The following CRYZ variants were observed in gnomAD, a reference collection of about 807,000 sequenced individuals.
CRYZ encodes the protein crystallin zeta.
CRYZ carries 35 observed loss-of-function variants against 34.1 expected under a neutral mutation model. The ratio of observed to expected loss-of-function variants is 1.03; its 90% CI spans 0.78 to 1.36. The LOEUF is 1.36. CRYZ is among the 40% of genes most tolerant of loss of function. The pLI, the probability that CRYZ is intolerant of heterozygous loss-of-function variation, is 0.00. For missense variants in CRYZ, 403 were observed against 391.8 expected, an observed-to-expected ratio of 1.03 and a Z score of -0.24; for synonymous variants, 137 against 136.5, an observed-to-expected ratio of 1.00 and a Z score of -0.03.
intron 1 of CRYZ, among the ~76,000 whole-genome samples, chr1:74,731,467 A>G (rs1021175535): frequency 2.0e-5 from 3 of 152,268 alleles, no homozygotes; most frequent in Admixed American, 6.5e-5. Flanking sequence ...TCATGTAAGC[A>G]TATGGTTTAT....
chr1:74,719,455 A>G, intron 3 of CRYZ, 83 bp from the exon 4 acceptor site: 1 of 1,299,572 alleles, frequency 7.7e-7, no homozygotes, highest in South Asian at 1.4e-5. Flanking sequence ...AACAAGAAAT[A>G]AGTGAGTACT....
intron 1 of CRYZ, among the ~76,000 whole-genome samples, chr1:74,729,394 T>G (rs1214176508): frequency 1.5e-4 from 22 of 151,228 alleles, no homozygotes; most frequent in Admixed American, 1.5e-3. Flanking sequence ...CCTCTATTCT[T>G]CTTTTCAATT....
At chr1:74,719,092 G>A (rs1176103771) in intron 4 of CRYZ, 117 bp downstream of exon 4, 8 of 1,029,474 alleles carry the variant, frequency 7.8e-6, no homozygotes, top group Non-Finnish European at 1.2e-5. Flanking sequence ...ATGTTTAATG[G>A]TAAGTAACTG....
chr1:74,722,058 T>C (rs1647172807), intron 3 of CRYZ, among the ~76,000 whole-genome samples: 1 of 152,122 alleles, frequency 6.6e-6, no homozygotes. Flanking sequence ...ATGTAACATG[T>C]GATAATGGCA....
intron 5 of CRYZ, among the ~76,000 whole-genome samples, chr1:74,710,764 C>A (rs538905957): frequency 7.2e-5 from 11 of 152,152 alleles, no homozygotes; most frequent in Non-Finnish European, 1.0e-4. Flanking sequence ...CTAATTCATC[C>A]ATATGGTGAA....
chr1:74,723,432 CATAA>C (rs1647201842), intron 2 of CRYZ, among the ~76,000 whole-genome samples, 162 bp from the exon 3 acceptor site: 1 of 152,162 alleles, frequency 6.6e-6, no homozygotes, highest in Non-Finnish European at 1.5e-5. Context: ...TACAAGCTAA[CATAA>C]ATAAGTATGA....
chr1:74,720,943 C>T (rs529748510), intron 3 of CRYZ, among the ~76,000 whole-genome samples: 1 of 151,754 alleles, frequency 6.6e-6, no homozygotes, highest in South Asian at 2.1e-4. Context: ...AAGATAGGTA[C>T]AAGAAAAAGA....
rs772976288 is a variant in CRYZ, at chr1:74,714,561, A to G, written c.480+18T>C. On this transcript the variant is annotated intron_variant, in intron 5 of 8. Coordinates refer to ENST00000340866, the MANE Select transcript of CRYZ (RefSeq NM_001889.4). ...TAAACCCAAGCTTGTTTCAAAATAC[A>G]TTAAAAAAAATACTTACTCCTCCAC... 6.2e-7 allele frequency: 1 copy of G among 1,611,826 alleles called. No homozygotes were observed. Among genetic ancestry groups the G allele is most frequent in the Non-Finnish European group, 8.5e-7 (1 of 1,178,176 alleles).
At chr1:74,721,609 T>G (rs1407600982) in intron 3 of CRYZ, among the ~76,000 whole-genome samples, 1 of 152,090 alleles carries the variant, frequency 6.6e-6, no homozygotes, top group Non-Finnish European at 1.5e-5. Context: ...TATAGTTAAG[T>G]AGGTAAGATA....
chr1:74,727,790 A>G (rs541558045), intron 1 of CRYZ, among the ~76,000 whole-genome samples: 2 of 152,194 alleles, frequency 1.3e-5, no homozygotes, highest in Admixed American at 6.5e-5. Context: ...ACAATTGAAG[A>G]TGAGATTTGG....
intron 2 of CRYZ, among the ~76,000 whole-genome samples, chr1:74,723,517 T>C (rs903701948): frequency 4.5e-4 from 68 of 152,224 alleles, no homozygotes; most frequent in African/African-American, 1.6e-3. Flanking sequence ...AGGGGATATG[T>C]GGCAGAGACC....
intron 3 of CRYZ, among the ~76,000 whole-genome samples, chr1:74,719,682 G>C (rs1182659863): frequency 6.6e-6 from 1 of 151,898 alleles, no homozygotes; most frequent in Non-Finnish European, 1.5e-5. Flanking sequence ...TTTTAGTAGA[G>C]ACGGGGTTTC....
At chr1:74,708,365 G>A (rs1646958308) in intron 6 of CRYZ, 6 of 152,200 alleles carry the variant, frequency 3.9e-5, no homozygotes, top group African/African-American at 1.4e-4. Flanking sequence ...GTGCAGTAGG[G>A]AACAGAGAGA....
chr1:74,724,746 A>T lies in CRYZ; in HGVS notation c.76T>A (p.Ser26Thr). 6.2e-7 allele frequency: 1 copy of T among 1,613,336 alleles called. No individual in the cohort carries two copies. Among genetic ancestry groups the T allele is most frequent in the Non-Finnish European group, 8.5e-7 (1 of 1,179,584 alleles). The change falls in exon 2 of 9, where the codon TCA (serine) becomes ACA (threonine). Residue 26 changes from serine to threonine, a missense_variant. Transcript: ENST00000340866. ...TTTGGAATCGGTACTGCAATATCTG[A>T]TCGCAATTTCAGGACTTCTGGCCCA... ...FGGPEVLKLR[S>T]DIAVPIPKDH...
intron 6 of CRYZ, among the ~76,000 whole-genome samples, chr1:74,709,420 A>G (rs1646971789): frequency 2.6e-5 from 4 of 152,178 alleles, no homozygotes; most frequent in Admixed American, 2.6e-4. Context: ...CAAAAAAGGT[A>G]ATAAACTCTC....
chr1:74,711,981 G>C (rs1429079886), intron 5 of CRYZ, among the ~76,000 whole-genome samples: 1 of 152,128 alleles, frequency 6.6e-6, no homozygotes, highest in African/African-American at 2.4e-5. Flanking sequence ...GGAGGCTGAG[G>C]TGAGTGGATC....
At chr1:74,714,731 C>T in intron 4 of CRYZ, 101 bp from the exon 5 acceptor site, 3 of 1,168,572 alleles carry the variant, frequency 2.6e-6, no homozygotes, top group Non-Finnish European at 3.8e-6. Context: ...GTCTGGCTAA[C>T]ACTTACACAA....
At chr1:74,720,677 C>T (rs971375675) in intron 3 of CRYZ, among the ~76,000 whole-genome samples, 2 of 152,078 alleles carry the variant, frequency 1.3e-5, no homozygotes, top group African/African-American at 4.8e-5. Flanking sequence ...CAAGTATCAC[C>T]GCTTAATATG....
intron 5 of CRYZ, 106 bp downstream of exon 5, chr1:74,714,473 C>A: frequency 9.1e-7 from 1 of 1,095,202 alleles, no homozygotes; most frequent in South Asian, 1.5e-5. Context: ...AAAAAAGCAC[C>A]TTTGACTCTA....
Sources: gnomAD v4.1 joint callset for allele counts (sites outside exome capture counted in the v4.1 genomes callset) on GRCh38, gnomAD v4.1.1 for gene constraint, MANE v1.5 for transcripts, NCBI Gene and HGNC (gene_info 2026-07-23, HGNC 2026-07-21) for gene names.